The following PRKAR1A variants were observed in gnomAD, a reference collection of about 807,000 sequenced individuals.
PRKAR1A encodes the protein cAMP-dependent protein kinase type I-alpha regulatory subunit.
In PRKAR1A, 3 loss-of-function variants were observed where a neutral mutation model predicts 52.0. The ratio of observed to expected loss-of-function variants is 0.06; its 90% confidence interval spans 0.03 to 0.15. The LOEUF (loss-of-function observed/expected upper bound fraction) is 0.15, where lower values mean the gene tolerates loss of function less well. Ranked by LOEUF, PRKAR1A falls within the 10% of genes least tolerant of loss-of-function variation. PRKAR1A has a pLI of 1.00. For missense variants in PRKAR1A, 240 were observed against 477.4 expected (o/e 0.50, Z 4.63); for synonymous variants, 188 against 168.4 (o/e 1.12, Z -0.90).
chr17:68,521,405 T>A (rs2085604083), intron 2 of PRKAR1A, among the ~76,000 whole-genome samples: 1 of 152,204 alleles, frequency 6.6e-6, no homozygotes, highest in African/African-American at 2.4e-5. Context: ...AATTTTTATG[T>A]GTTTTTGTAG....
At chr17:68,525,955 T>G (rs1403477470) in intron 7 of PRKAR1A, 43 bp downstream of exon 7, 1 of 1,594,622 alleles carries the variant, frequency 6.3e-7, no homozygotes, top group South Asian at 1.1e-5. Flanking sequence ...AGAATTCTCA[T>G]CTACGTAACT....
the PRKAR1A span, chr17:68,420,651 C>T: frequency 1.1e-5 from 8 of 696,016 alleles, no homozygotes; most frequent in Middle Eastern, 3.7e-4. Flanking sequence ...AGCTGAGCTG[C>T]GCTGGCTCTG....
Position 68,523,584 on chromosome 17 carries a change from C to T in PRKAR1A, c.349-141C>T, listed in dbSNP as rs150405748. 51 of 698,560 alleles carry T rather than the reference C, an allele frequency of 7.3e-5. 4 individuals are homozygous for T. In the South Asian group the frequency reaches 7.5e-4, roughly 10 times the overall value. The allele number at this position is 698,560 out of a possible 1,614,324, so 43.3% of individuals were successfully genotyped here. ...AGTAGTTTATGGATCAAAGATAGTACAAGTGTGTTGTAGTGAAACACTACA... is the reference window on the plus strand; with the variant it reads ...AGTAGTTTATGGATCAAAGATAGTATAAGTGTGTTGTAGTGAAACACTACA... On this transcript the variant is annotated intron_variant, in intron 3 of 10. Coordinates refer to ENST00000589228, the MANE Select transcript of PRKAR1A (RefSeq NM_002734.5).
the PRKAR1A span, among the ~76,000 whole-genome samples, chr17:68,482,772 A>G: frequency 6.6e-6 from 1 of 152,242 alleles, no homozygotes; most frequent in South Asian, 2.1e-4. Flanking sequence ...GGACAAAGGA[A>G]GGGCCAGATG....
At chr17:68,425,338 G>C in the PRKAR1A span, among the ~76,000 whole-genome samples, 1 of 151,942 alleles carries the variant, frequency 6.6e-6, no homozygotes, top group Non-Finnish European at 1.5e-5. Context: ...CGAATAGCTG[G>C]GACTACAGGC....
chr17:68,436,857 G>A, the PRKAR1A span, among the ~76,000 whole-genome samples: 5 of 152,094 alleles, frequency 3.3e-5, no homozygotes, highest in African/African-American at 9.7e-5. Flanking sequence ...AGCTGGGCAT[G>A]GTGGTGCGTG....
chr17:68,462,851 A>AG, the PRKAR1A span, among the ~76,000 whole-genome samples: 27 of 152,302 alleles, frequency 1.8e-4, no homozygotes, highest in Admixed American at 1.5e-3. Flanking sequence ...GCCAAGTACA[A>AG]GGGGGAGAGT....
At position 68,531,107 on chromosome 17, in the gene PRKAR1A, ATTCTG is replaced by A; in HGVS notation, c.*659_*663del. ...TCTTGTTATTAATGTTTCTTCTCCA[ATTCTG>A]AAATACTTTTGAGTATGGCTATCTA... On this transcript the variant is annotated 3_prime_UTR_variant, in exon 11 of 11. Coordinates refer to ENST00000589228, the MANE Select transcript of PRKAR1A (RefSeq NM_002734.5). The A allele has an allele frequency of 9.4e-7, 1 of 1,067,528 alleles. No homozygotes were observed. The highest frequency in any genetic ancestry group is 1.1e-6 in the Non-Finnish European group (1 of 880,540). 66.1% of individuals were successfully genotyped at this position (1,067,528 alleles called of 1,614,324 possible). A position where few individuals can be genotyped will look rare whatever the true frequency, so the allele number is the denominator to read the frequency against.
the PRKAR1A span, among the ~76,000 whole-genome samples, chr17:68,430,768 G>C: frequency 6.6e-6 from 1 of 152,174 alleles, no homozygotes; most frequent in Non-Finnish European, 1.5e-5. Context: ...TGACTGTTCT[G>C]TTGGTGAGAG....
the PRKAR1A span, among the ~76,000 whole-genome samples, chr17:68,467,073 C>T: frequency 6.6e-6 from 1 of 152,186 alleles, no homozygotes; most frequent in Non-Finnish European, 1.5e-5. Flanking sequence ...GGTTCATCCA[C>T]GTTGTAGCAT....
the PRKAR1A span, among the ~76,000 whole-genome samples, chr17:68,463,741 G>A: frequency 1.3e-5 from 2 of 152,194 alleles, no homozygotes; most frequent in Admixed American, 1.3e-4. Context: ...AGCTCAAAGA[G>A]CAGCGAGGAG....
intron 2 of PRKAR1A, among the ~76,000 whole-genome samples, chr17:68,518,045 C>T (rs746846136): frequency 9.7e-4 from 148 of 152,368 alleles, no homozygotes; most frequent in Non-Finnish European, 3.2e-4. Flanking sequence ...CCATGTCTCA[C>T]ATTCAGGGCA....
chr17:68,534,778 TTAAA>T (rs1463669612), downstream of PRKAR1A, among the ~76,000 whole-genome samples: 1 of 152,162 alleles, frequency 6.6e-6, no homozygotes, highest in Non-Finnish European at 1.5e-5. Flanking sequence ...TCAGTATATA[TTAAA>T]TAAAGTGTCT....
exon 12 of PRKAR1A, chr17:68,551,298 A>G: frequency 2.3e-6 from 1 of 434,444 alleles, no homozygotes; most frequent in Non-Finnish European, 3.9e-6. Context: ...TGAATAAAAT[A>G]TAAATTAATG....
intron 2 of PRKAR1A, among the ~76,000 whole-genome samples, chr17:68,520,784 A>G (rs994122499): frequency 3.3e-5 from 5 of 152,244 alleles, no homozygotes; most frequent in African/African-American, 1.2e-4. Context: ...TTACTTCAAA[A>G]TTAATCTTAA....
chr17:68,497,960 T>C, the PRKAR1A span, among the ~76,000 whole-genome samples: 1 of 152,112 alleles, frequency 6.6e-6, no homozygotes, highest in African/African-American at 2.4e-5. Flanking sequence ...ACCTTCTTCA[T>C]GGGTGCCAAA....
At chr17:68,452,823 G>C in the PRKAR1A span, 1 of 1,217,744 alleles carries the variant, frequency 8.2e-7, no homozygotes, top group African/African-American at 1.5e-5. Flanking sequence ...GGGAAAAATA[G>C]GCAGCTTGGT....
At chr17:68,474,500 A>G in the PRKAR1A span, among the ~76,000 whole-genome samples, 39 of 152,304 alleles carry the variant, frequency 2.6e-4, no homozygotes, top group Non-Finnish European at 4.4e-4. Flanking sequence ...GAAGTCTGGC[A>G]ACAGGAAGGC....
the PRKAR1A span, among the ~76,000 whole-genome samples, chr17:68,477,446 G>C: frequency 3.9e-5 from 6 of 152,176 alleles, no homozygotes; most frequent in Middle Eastern, 3.2e-3. Context: ...AATGTTTCAA[G>C]TGTTGGGTTC....
Sources: gnomAD v4.1 joint callset for allele counts (sites outside exome capture counted in the v4.1 genomes callset) on GRCh38, gnomAD v4.1.1 for gene constraint, MANE v1.5 for transcripts, NCBI Gene and HGNC (gene_info 2026-07-23, HGNC 2026-07-21) for gene names.